FARP1: variants seen among roughly 807,000 people sequenced by gnomAD.
FARP1 encodes FERM, ARH/RhoGEF and pleckstrin domain protein 1.
Under a neutral mutation model 128.8 loss-of-function variants are expected in FARP1, and 52 were observed. That is an observed-to-expected ratio of 0.40 (90% CI 0.32 to 0.51). FARP1 has a LOEUF of 0.51. Among genes scored for constraint, FARP1 ranks in the 20% least tolerant of loss-of-function variants. The pLI, the probability that FARP1 is intolerant of heterozygous loss-of-function variation, is 0.45. For missense variants in FARP1, 1,333 were observed against 1,367.9 expected, an observed-to-expected ratio of 0.97 and a Z score of 0.40; for synonymous variants, 580 against 551.8, an observed-to-expected ratio of 1.05 and a Z score of -0.72.
chr13:98,355,647 TA>T (rs1174612442), intron 3 of FARP1, among the ~76,000 whole-genome samples: 1 of 152,214 alleles, frequency 6.6e-6, no homozygotes, highest in Admixed American at 6.5e-5. Flanking sequence ...CCTAAAGTGT[TA>T]ATGATGATCT....
At chr13:98,168,896 G>A (rs1302929175) in intron 1 of FARP1, among the ~76,000 whole-genome samples, 1 of 152,132 alleles carries the variant, frequency 6.6e-6, no homozygotes, top group Non-Finnish European at 1.5e-5. Context: ...AACCCCCGCT[G>A]GACTCACCCA....
At chr13:98,398,313 C>T (rs1183441620) in intron 13 of FARP1, 1 of 152,154 alleles carries the variant, frequency 6.6e-6, no homozygotes. Context: ...TCTATTTACG[C>T]CTTGCTTTGA....
chr13:98,256,952 T>TGC (rs1883633629), intron 2 of FARP1, among the ~76,000 whole-genome samples: 2 of 31,904 alleles, frequency 6.3e-5, no homozygotes, highest in East Asian at 1.4e-3. Flanking sequence ...TATGTGGATA[T>TGC]ATATATATAT....
intron 2 of FARP1, among the ~76,000 whole-genome samples, chr13:98,308,064 T>TGCTAAA (rs1886263674): frequency 9.3e-6 from 1 of 107,484 alleles, no homozygotes; most frequent in African/African-American, 3.7e-5. Context: ...TTTTTTTTTT[T>TGCTAAA]TGCTAAATGC....
At chr13:98,224,545 A>AG (rs1881627138) in intron 2 of FARP1, among the ~76,000 whole-genome samples, 1 of 36,556 alleles carries the variant, frequency 2.7e-5, no homozygotes, top group Non-Finnish European at 7.0e-5. Context: ...AAAAAAAAAA[A>AG]GAAAAAAAAA....
intron 1 of FARP1, chr13:98,177,046 G>A (rs1328429958): frequency 2.5e-6 from 4 of 1,593,628 alleles, no homozygotes; most frequent in African/African-American, 2.7e-5. Context: ...CCGGGGCCTC[G>A]GTGCCACCCG....
chr13:98,350,331 T>C (rs1271360922), intron 3 of FARP1, among the ~76,000 whole-genome samples: 1 of 152,152 alleles, frequency 6.6e-6, no homozygotes, highest in Non-Finnish European at 1.5e-5. Context: ...ATTTAATATT[T>C]GTATTGCAGT....
intron 2 of FARP1, among the ~76,000 whole-genome samples, chr13:98,302,856 A>T (rs1885980300): frequency 6.6e-6 from 1 of 152,150 alleles, no homozygotes; most frequent in Non-Finnish European, 1.5e-5. Flanking sequence ...AGGTGAGTGC[A>T]ATAAGCCCAT....
At chr13:98,189,511 G>A (rs910172265) in intron 1 of FARP1, among the ~76,000 whole-genome samples, 2 of 152,088 alleles carry the variant, frequency 1.3e-5, no homozygotes, top group Non-Finnish European at 2.9e-5. Context: ...AAGAAACCTG[G>A]TATTATAATG....
chr13:98,276,078 C>T (rs1884642282), intron 2 of FARP1, among the ~76,000 whole-genome samples: 1 of 152,164 alleles, frequency 6.6e-6, no homozygotes, highest in Non-Finnish European at 1.5e-5. Context: ...GTTGACATCT[C>T]TGCATGTTCA....
chr13:98,290,278 A>G (rs1199727080), intron 2 of FARP1, among the ~76,000 whole-genome samples: 1 of 151,994 alleles, frequency 6.6e-6, no homozygotes, highest in Non-Finnish European at 1.5e-5. Context: ...AGAGAGCATA[A>G]TGGTGTGCAA....
chr13:98,221,299 T>C (rs1214112595), intron 2 of FARP1, among the ~76,000 whole-genome samples: 5 of 152,232 alleles, frequency 3.3e-5, no homozygotes, highest in African/African-American at 1.2e-4. Context: ...AATGTAGAGC[T>C]GTTGGCTGGA....
At chr13:98,307,774 C>CTGTCTT (rs1886231316) in intron 2 of FARP1, among the ~76,000 whole-genome samples, 1 of 152,152 alleles carries the variant, frequency 6.6e-6, no homozygotes, top group Non-Finnish European at 1.5e-5. Context: ...CCTTACGTTT[C>CTGTCTT]TGTCTTTCTC....
chr13:98,260,191 T>C (rs955668125), intron 2 of FARP1, among the ~76,000 whole-genome samples: 4 of 152,164 alleles, frequency 2.6e-5, no homozygotes, highest in Non-Finnish European at 5.9e-5. Flanking sequence ...CAAGTTTTAC[T>C]TCACAGTCTG....
intron 18 of FARP1, chr13:98,434,212 ACCGGGGG>A (rs1218134244): frequency 1.3e-5 from 2 of 152,134 alleles, no homozygotes; most frequent in African/African-American, 4.8e-5. Context: ...GCCCCTGAGC[ACCGGGGG>A]CCGGGGTGCC....
At chr13:98,434,101 G>T (rs1347831648) in intron 18 of FARP1, 1 of 152,282 alleles carries the variant, frequency 6.6e-6, no homozygotes, top group African/African-American at 2.4e-5. Context: ...GAGGAAGAGA[G>T]TGCTAGCTAG....
At chr13:98,342,853 C>T (rs1164425093) in intron 2 of FARP1, among the ~76,000 whole-genome samples, 6 of 151,936 alleles carry the variant, frequency 3.9e-5, no homozygotes, top group African/African-American at 1.4e-4. Flanking sequence ...GGAGAAACCC[C>T]ATCTCTACTA....
intron 2 of FARP1, among the ~76,000 whole-genome samples, chr13:98,286,663 A>G (rs1226296895): frequency 1.3e-5 from 2 of 152,156 alleles, no homozygotes; most frequent in Non-Finnish European, 2.9e-5. Flanking sequence ...CTTTATCAGC[A>G]GCGTGAAAAT....
chr13:98,441,965 C>T (rs1382015514), intron 24 of FARP1, among the ~76,000 whole-genome samples: 1 of 75,644 alleles, frequency 1.3e-5, no homozygotes, highest in Non-Finnish European at 4.4e-5. Context: ...AGTCCAGGCC[C>T]ATAGCTGTGT....
Sources: gnomAD v4.1 joint callset for allele counts (sites outside exome capture counted in the v4.1 genomes callset) on GRCh38, gnomAD v4.1.1 for gene constraint, MANE v1.5 for transcripts, NCBI Gene and HGNC (gene_info 2026-07-23, HGNC 2026-07-21) for gene names.